The following MYRIP variants were observed in gnomAD, a reference collection of about 807,000 sequenced individuals.
The protein encoded by MYRIP is rab effector MyRIP.
MYRIP carries 49 observed loss-of-function variants against 98.0 expected under a neutral mutation model. The ratio of observed to expected loss-of-function variants is 0.50; its 90% CI spans 0.40 to 0.63. The LOEUF (loss-of-function observed/expected upper bound fraction) is 0.63, where lower values mean the gene tolerates loss of function less well. Ranked by LOEUF, MYRIP falls within the 30% of genes least tolerant of loss-of-function variation. The pLI, the probability that MYRIP is intolerant of heterozygous loss-of-function variation, is 0.00. For synonymous variants in MYRIP, 404 were observed against 409.5 expected, an observed-to-expected ratio of 0.99 and a Z score of 0.16; for missense variants, 1,004 against 1,058.2, an observed-to-expected ratio of 0.95 and a Z score of 0.71.
At chr3:40,192,470 G>A (rs556318557) in intron 10 of MYRIP, among the ~76,000 whole-genome samples, 1 of 150,994 alleles carries the variant, frequency 6.6e-6, no homozygotes, top group African/African-American at 2.4e-5. Flanking sequence ...CTAAATCCCT[G>A]TCATCTCCAC....
chr3:39,916,293 A>C (rs1401825183), intron 2 of MYRIP, among the ~76,000 whole-genome samples: 2 of 152,022 alleles, frequency 1.3e-5, no homozygotes. Context: ...ACACTGTCTC[A>C]ACTAAAAGAT....
chr3:40,012,018 T>G (rs1361508820), intron 2 of MYRIP, among the ~76,000 whole-genome samples: 4 of 152,252 alleles, frequency 2.6e-5, no homozygotes, highest in African/African-American at 4.8e-5. Flanking sequence ...TGAAGCTATA[T>G]TAATAAGTTT....
chr3:39,975,739 A>G (rs1349900549), intron 2 of MYRIP, among the ~76,000 whole-genome samples: 4 of 152,220 alleles, frequency 2.6e-5, no homozygotes, highest in Non-Finnish European at 5.9e-5. Context: ...CTCAGAAATA[A>G]TGCCACAAAG....
intron 11 of MYRIP, among the ~76,000 whole-genome samples, chr3:40,223,716 C>T (rs145849715): frequency 1.3e-5 from 2 of 152,322 alleles, no homozygotes; most frequent in East Asian, 3.9e-4. Context: ...AATCCCTGCT[C>T]ATTCCCCACT....
intron 3 of MYRIP, among the ~76,000 whole-genome samples, chr3:40,047,561 G>C (rs930935033): frequency 6.6e-6 from 1 of 152,222 alleles, no homozygotes; most frequent in African/African-American, 2.4e-5. Flanking sequence ...AATTGGAAAT[G>C]TTGCTGCTTT....
intron 10 of MYRIP, among the ~76,000 whole-genome samples, chr3:40,199,909 C>T (rs541379395): frequency 6.5e-4 from 98 of 151,848 alleles, no homozygotes; most frequent in African/African-American, 2.3e-3. Flanking sequence ...CTTACCTCCA[C>T]GTCCACAGCA....
At chr3:40,143,788 G>A (rs1052324765) in intron 3 of MYRIP, among the ~76,000 whole-genome samples, 1 of 152,118 alleles carries the variant, frequency 6.6e-6, no homozygotes, top group Non-Finnish European at 1.5e-5. Context: ...ATTTTTGTGT[G>A]TGACATAAAG....
At chr3:39,977,132 A>AG (rs1945775549) in intron 2 of MYRIP, among the ~76,000 whole-genome samples, 2 of 152,048 alleles carry the variant, frequency 1.3e-5, no homozygotes, top group South Asian at 4.1e-4. Flanking sequence ...TTAAAAAAAA[A>AG]CGGTGATAAT....
At chr3:40,232,977 C>G (rs1381673252) in intron 11 of MYRIP, 1 of 152,218 alleles carries the variant, frequency 6.6e-6, no homozygotes, top group Admixed American at 6.5e-5. Flanking sequence ...CTCTCTGAGT[C>G]CAAGCTCCTT....
At chr3:40,008,175 C>T (rs552296049) in intron 2 of MYRIP, among the ~76,000 whole-genome samples, 10 of 152,302 alleles carry the variant, frequency 6.6e-5, no homozygotes, top group African/African-American at 1.7e-4. Flanking sequence ...CTTTTCTTGG[C>T]TCTGAACTTC....
At chr3:40,055,955 A>G (rs987076580) in intron 3 of MYRIP, among the ~76,000 whole-genome samples, 1 of 152,238 alleles carries the variant, frequency 6.6e-6, no homozygotes, top group Non-Finnish European at 1.5e-5. Flanking sequence ...TAAACCATAT[A>G]TGATTATTAG....
intron 2 of MYRIP, among the ~76,000 whole-genome samples, chr3:39,980,602 G>A (rs36037270): frequency 6.6e-6 from 1 of 152,186 alleles, no homozygotes; most frequent in Non-Finnish European, 1.5e-5. Context: ...GGGGGATCTG[G>A]TGCCTGCTCT....
At chr3:40,061,500 T>C (rs1948014403) in intron 3 of MYRIP, among the ~76,000 whole-genome samples, 1 of 152,278 alleles carries the variant, frequency 6.6e-6, no homozygotes, top group African/African-American at 2.4e-5. Flanking sequence ...GGCATTTAAG[T>C]TGATTGCATG....
intron 3 of MYRIP, among the ~76,000 whole-genome samples, chr3:40,052,808 C>T (rs1292100450): frequency 6.6e-6 from 1 of 152,090 alleles, no homozygotes; most frequent in African/African-American, 2.4e-5. Context: ...ACACATTCAA[C>T]GTGACACAAT....
chr3:40,152,968 AAT>A (rs1950150543), intron 4 of MYRIP, among the ~76,000 whole-genome samples: 1 of 111,996 alleles, frequency 8.9e-6, no homozygotes, highest in South Asian at 3.0e-4. Flanking sequence ...AAAAAAAAAA[AAT>A]TAGTCAGATG....
chr3:40,257,866 A>G (rs550551423), intron 16 of MYRIP, among the ~76,000 whole-genome samples: 2 of 152,334 alleles, frequency 1.3e-5, no homozygotes, highest in Non-Finnish European at 2.9e-5. Context: ...AAACAAGAAC[A>G]CTGTGCTTGG....
intron 1 of MYRIP, among the ~76,000 whole-genome samples, chr3:39,854,347 C>CT (rs112086141): frequency 2.6e-5 from 4 of 151,956 alleles, no homozygotes; most frequent in South Asian, 2.1e-4. Flanking sequence ...TTTTTTTATT[C>CT]TTTTTTCTTT....
At chr3:39,950,924 C>T (rs1219471562) in intron 2 of MYRIP, among the ~76,000 whole-genome samples, 1 of 152,054 alleles carries the variant, frequency 6.6e-6, no homozygotes, top group Non-Finnish European at 1.5e-5. Flanking sequence ...TTCTGTTATA[C>T]CTTTTTGTAT....
chr3:40,165,567 C>G (rs1020250721), intron 5 of MYRIP, among the ~76,000 whole-genome samples: 1 of 152,056 alleles, frequency 6.6e-6, no homozygotes, highest in Admixed American at 6.6e-5. Flanking sequence ...CCTTGCTGAC[C>G]TACATTCCTG....
Sources: gnomAD v4.1 joint callset for allele counts (sites outside exome capture counted in the v4.1 genomes callset) on GRCh38, gnomAD v4.1.1 for gene constraint, MANE v1.5 for transcripts, NCBI Gene and HGNC (gene_info 2026-07-23, HGNC 2026-07-21) for gene names.